IQSEC1: variants seen among roughly 807,000 people sequenced by gnomAD.
The protein encoded by IQSEC1 is IQ motif and SEC7 domain-containing protein 1.
Under a neutral mutation model 91.0 loss-of-function variants are expected in IQSEC1, and 31 were observed. The ratio of observed to expected loss-of-function variants is 0.34; its 90% CI spans 0.26 to 0.46. IQSEC1 has a LOEUF of 0.46. Among genes scored for constraint, IQSEC1 ranks in the 20% least tolerant of loss-of-function variants. The probability of loss-of-function intolerance (pLI) is 1.00; values close to 1 mark genes in which losing one functional copy is unlikely to be tolerated. For synonymous variants in IQSEC1, 699 were observed against 662.6 expected (o/e 1.05, Z -0.84); for missense variants, 1,388 against 1,575.6 (o/e 0.88, Z 2.02).
chr3:12,968,280 G>A (rs370693222), intron 1 of IQSEC1, among the ~76,000 whole-genome samples: 1 of 152,152 alleles, frequency 6.6e-6, no homozygotes, highest in South Asian at 2.1e-4. Flanking sequence ...CTATCCTGAG[G>A]TTGGTACCAC....
chr3:12,949,420 G>A (rs1471061148), intron 1 of IQSEC1, among the ~76,000 whole-genome samples: 9 of 152,262 alleles, frequency 5.9e-5, no homozygotes, highest in African/African-American at 2.2e-4. Flanking sequence ...AAATGTCCAT[G>A]CCAGCAGCCT....
intron 1 of IQSEC1, among the ~76,000 whole-genome samples, chr3:12,999,017 G>A (rs1702324498): frequency 1.3e-5 from 2 of 152,172 alleles, no homozygotes; most frequent in Non-Finnish European, 2.9e-5. Context: ...TTTCATTTAA[G>A]TATTTTTTGC....
intron 1 of IQSEC1, among the ~76,000 whole-genome samples, chr3:13,239,529 C>G (rs1262719195): frequency 6.6e-6 from 1 of 152,260 alleles, no homozygotes; most frequent in African/African-American, 2.4e-5. Flanking sequence ...AAGCCAAGGT[C>G]TCTGCTCTTA....
intron 1 of IQSEC1, among the ~76,000 whole-genome samples, chr3:13,004,852 C>T (rs1702569103): frequency 1.3e-5 from 2 of 152,164 alleles, no homozygotes; most frequent in Non-Finnish European, 2.9e-5. Flanking sequence ...AGGTAGCCTC[C>T]ACCTCCACCA....
At chr3:13,037,882 C>T (rs868434359) in intron 1 of IQSEC1, among the ~76,000 whole-genome samples, 19 of 152,038 alleles carry the variant, frequency 1.2e-4, no homozygotes, top group East Asian at 3.9e-4. Flanking sequence ...TAGTGTTTAA[C>T]GGGTACAGAG....
chr3:13,024,595 C>T (rs903717567), intron 1 of IQSEC1, among the ~76,000 whole-genome samples: 2 of 151,120 alleles, frequency 1.3e-5, no homozygotes, highest in African/African-American at 2.4e-5. Context: ...CATCCACCCA[C>T]CCATCCATCC....
intron 12 of IQSEC1, among the ~76,000 whole-genome samples, chr3:12,904,596 A>AC (rs904775141): frequency 1.3e-5 from 2 of 151,394 alleles, no homozygotes; most frequent in African/African-American, 2.4e-5. Flanking sequence ...TCCCTCCTCC[A>AC]CCCCCCTCTT....
At position 12,941,753 on chromosome 3, in the gene IQSEC1, G is replaced by A. The variant is rs1409483537; in HGVS notation, c.136C>T (p.His46Tyr). 1 of 1,612,322 alleles carries A rather than the reference G, an allele frequency of 6.2e-7. No individual in the cohort carries two copies. The change falls in exon 2 of 14, where the codon CAC becomes TAC. Residue 46 changes from histidine (H) to tyrosine (Y), a missense_variant. His to Tyr is a moderately conservative substitution (Grantham distance 83). Around this residue, in one of 2 missense-constraint regions of IQSEC1, gnomAD observed 1,059 missense variants for 1,317.8 expected, o/e 0.80. Transcript: ENST00000613206. ...AGCCCATAGGCTCCCACTGACGTGTGCTCGTAGTGATCCGGGCTCAGGCTG... is the reference window on the plus strand; with the variant it reads ...AGCCCATAGGCTCCCACTGACGTGTACTCGTAGTGATCCGGGCTCAGGCTG... ...GSSLSPDHYE[H>Y]TSVGAYGLYS...
chr3:13,058,869 C>T (rs1299196749), intron 1 of IQSEC1, among the ~76,000 whole-genome samples: 3 of 152,286 alleles, frequency 2.0e-5, no homozygotes, highest in South Asian at 2.1e-4. Flanking sequence ...TGCAGCAGGG[C>T]GGCAGGCCTT....
intron 2 of IQSEC1, among the ~76,000 whole-genome samples, chr3:13,139,463 C>G (rs1262086469): frequency 2.0e-5 from 3 of 152,222 alleles, no homozygotes; most frequent in Non-Finnish European, 4.4e-5. Context: ...ACACTTCCCT[C>G]CCTAAGGCAG....
chr3:13,252,689 A>C (rs1173698330), intron 1 of IQSEC1, among the ~76,000 whole-genome samples: 2 of 151,714 alleles, frequency 1.3e-5, no homozygotes, highest in Non-Finnish European at 2.9e-5. Context: ...TTTCTCCACA[A>C]CTTCACCAAC....
intron 12 of IQSEC1, among the ~76,000 whole-genome samples, chr3:12,907,295 A>C (rs1695082720): frequency 6.6e-6 from 1 of 152,210 alleles, no homozygotes; most frequent in Admixed American, 6.5e-5. Flanking sequence ...AGAGGGACTA[A>C]GCTGAGGGGA....
chr3:13,180,852 T>C (rs1488585726), intron 1 of IQSEC1, among the ~76,000 whole-genome samples: 1 of 151,744 alleles, frequency 6.6e-6, no homozygotes, highest in Non-Finnish European at 1.5e-5. Flanking sequence ...TCCGAACACA[T>C]TCGAACATCA....
intron 2 of IQSEC1, among the ~76,000 whole-genome samples, chr3:13,135,124 A>G (rs1269405366): frequency 6.6e-6 from 1 of 152,220 alleles, no homozygotes; most frequent in Non-Finnish European, 1.5e-5. Context: ...CGGTTTCCTC[A>G]TCTGCAGGAT....
At chr3:13,275,973 A>G (rs1033254715) in intron 1 of IQSEC1, among the ~76,000 whole-genome samples, 33 of 152,214 alleles carry the variant, frequency 2.2e-4, no homozygotes, top group South Asian at 4.1e-4. Flanking sequence ...CCTTCATTGC[A>G]GAATCCAGGG....
At chr3:13,199,497 C>T (rs945555357) in intron 1 of IQSEC1, among the ~76,000 whole-genome samples, 1 of 152,178 alleles carries the variant, frequency 6.6e-6, no homozygotes, top group Admixed American at 6.5e-5. Flanking sequence ...TCAAATCCTC[C>T]CCACAGCCCA....
intron 1 of IQSEC1, among the ~76,000 whole-genome samples, chr3:13,048,332 A>G (rs923842183): frequency 6.6e-6 from 1 of 152,136 alleles, no homozygotes; most frequent in Non-Finnish European, 1.5e-5. Context: ...GGGGGGCCCC[A>G]TCCCCACAAC....
intron 1 of IQSEC1, among the ~76,000 whole-genome samples, chr3:13,048,354 C>T (rs1704572212): frequency 6.6e-6 from 1 of 152,210 alleles, no homozygotes; most frequent in South Asian, 2.1e-4. Flanking sequence ...CTGCCTGTAC[C>T]TGCCCACCTG....
At chr3:12,933,393 G>A (rs759296728) in intron 3 of IQSEC1, among the ~76,000 whole-genome samples, 2 of 152,208 alleles carry the variant, frequency 1.3e-5, no homozygotes, top group South Asian at 4.1e-4. Context: ...ACAGGAGCAA[G>A]ACAGCCTGTG....
Sources: gnomAD v4.1 joint callset for allele counts (sites outside exome capture counted in the v4.1 genomes callset) on GRCh38, gnomAD v4.1.1 for gene constraint, gnomAD v4.1.1 regional missense constraint, MANE v1.5 for transcripts, NCBI Gene and HGNC (gene_info 2026-07-23, HGNC 2026-07-21) for gene names.